Variants in PBX1 observed in about 807,000 individuals in gnomAD.
PBX1 encodes PBX homeobox 1.
Under a neutral mutation model 53.4 loss-of-function variants are expected in PBX1, and 6 were observed. That is an observed-to-expected ratio of 0.11 (90% CI 0.06 to 0.22). The LOEUF is 0.22. Among genes scored for constraint, PBX1 ranks in the 10% least tolerant of loss-of-function variants. The pLI, the probability that PBX1 is intolerant of heterozygous loss-of-function variation, is 1.00. For missense variants in PBX1, 251 were observed against 551.4 expected, an observed-to-expected ratio of 0.46 and a Z score of 5.46; for synonymous variants, 204 against 212.3, an observed-to-expected ratio of 0.96 and a Z score of 0.34.
At chr1:164,597,424 G>T (rs1557881667) in intron 2 of PBX1, among the ~76,000 whole-genome samples, 1 of 152,162 alleles carries the variant, frequency 6.6e-6, no homozygotes, top group Non-Finnish European at 1.5e-5. Context: ...CTATGACGAC[G>T]TGGAACTATC....
intron 2 of PBX1, among the ~76,000 whole-genome samples, chr1:164,724,243 A>G (rs1436078728): frequency 2.6e-5 from 4 of 152,194 alleles, no homozygotes; most frequent in Admixed American, 2.6e-4. Flanking sequence ...AAATCCAAAC[A>G]TTCAGGAACT....
chr1:164,821,907 C>T (rs1670175493), intron 8 of PBX1, among the ~76,000 whole-genome samples: 1 of 152,112 alleles, frequency 6.6e-6, no homozygotes, highest in African/African-American at 2.4e-5. Flanking sequence ...AGAGGAGCTG[C>T]TAAACAGGTG....
chr1:164,667,489 G>A (rs1487658552), intron 2 of PBX1, among the ~76,000 whole-genome samples: 1 of 151,654 alleles, frequency 6.6e-6, no homozygotes, highest in Non-Finnish European at 1.5e-5. Context: ...TTCGACCCTG[G>A]CAGAACTACA....
At chr1:164,612,445 CCTCTCGTAG>C (rs921198322) in intron 2 of PBX1, among the ~76,000 whole-genome samples, 1 of 152,124 alleles carries the variant, frequency 6.6e-6, no homozygotes, top group Non-Finnish European at 1.5e-5. Context: ...CGTTTAGCCA[CCTCTCGTAG>C]CTCTGGTTTC....
chr1:164,741,412 C>A (rs546689874), intron 2 of PBX1, among the ~76,000 whole-genome samples: 1 of 152,306 alleles, frequency 6.6e-6, no homozygotes, highest in South Asian at 2.1e-4. Flanking sequence ...CTCCTCAAAG[C>A]AGCCAGAAAG....
chr1:164,579,066 T>G (rs1468150379), intron 2 of PBX1, among the ~76,000 whole-genome samples: 1 of 151,972 alleles, frequency 6.6e-6, no homozygotes, highest in African/African-American at 2.4e-5. Context: ...TGACATTTGC[T>G]CACCTGGGCA....
chr1:164,624,437 T>G (rs1445574645), intron 2 of PBX1, among the ~76,000 whole-genome samples: 1 of 152,220 alleles, frequency 6.6e-6, no homozygotes, highest in Non-Finnish European at 1.5e-5. Flanking sequence ...AATGTCATTT[T>G]CTCTCAATGA....
At chr1:164,581,244 T>C (rs1368522438) in intron 2 of PBX1, among the ~76,000 whole-genome samples, 4 of 151,692 alleles carry the variant, frequency 2.6e-5, no homozygotes, top group Admixed American at 2.6e-4. Context: ...TTTTTTTTTT[T>C]TGAGATGGAG....
At chr1:164,749,986 G>A (rs1188712049) in intron 2 of PBX1, among the ~76,000 whole-genome samples, 4 of 152,094 alleles carry the variant, frequency 2.6e-5, no homozygotes, top group African/African-American at 9.7e-5. Flanking sequence ...TATAGTCCCA[G>A]CTACTTGGGA....
intron 2 of PBX1, among the ~76,000 whole-genome samples, chr1:164,600,814 C>G (rs1015832481): frequency 4.6e-5 from 7 of 152,174 alleles, no homozygotes; most frequent in Admixed American, 2.6e-4. Context: ...TCTGGTCACA[C>G]CGATCAAGAT....
intron 2 of PBX1, among the ~76,000 whole-genome samples, chr1:164,731,260 C>T (rs1664966129): frequency 1.3e-5 from 2 of 151,536 alleles, no homozygotes; most frequent in African/African-American, 4.9e-5. Flanking sequence ...CTCTGCTTCC[C>T]TACTCCCATC....
chr1:164,626,892 G>A (rs1222271754), intron 2 of PBX1, among the ~76,000 whole-genome samples: 1 of 152,168 alleles, frequency 6.6e-6, no homozygotes, highest in African/African-American at 2.4e-5. Flanking sequence ...AATCTTTACA[G>A]TTGGTGATTT....
chr1:164,832,106 C>T (rs1381693522), intron 8 of PBX1, among the ~76,000 whole-genome samples: 1 of 152,082 alleles, frequency 6.6e-6, no homozygotes, highest in East Asian at 1.9e-4. Context: ...TCCTCTTTTG[C>T]CTTTTGCCGT....
chr1:164,611,791 G>A (rs546169541), intron 2 of PBX1, among the ~76,000 whole-genome samples: 146 of 152,276 alleles, frequency 9.6e-4, no homozygotes, highest in South Asian at 2.3e-3. Context: ...TTGGAGGGAG[G>A]CTGCCTGATT....
intron 2 of PBX1, among the ~76,000 whole-genome samples, chr1:164,640,452 C>A (rs184075400): frequency 5.5e-4 from 83 of 152,138 alleles, no homozygotes; most frequent in Middle Eastern, 6.8e-3. Flanking sequence ...CAGCAGATTG[C>A]TCCTGGTGCA....
intron 2 of PBX1, among the ~76,000 whole-genome samples, chr1:164,725,471 C>T (rs1279719234): frequency 1.3e-5 from 2 of 152,022 alleles, no homozygotes; most frequent in Admixed American, 6.6e-5. Flanking sequence ...TCTCTTTGCT[C>T]CTCTCTTGAT....
intron 1 of PBX1, 29 bp from the exon 2 acceptor site, chr1:164,563,209 T>G: frequency 6.5e-7 from 1 of 1,547,362 alleles, no homozygotes. Flanking sequence ...AGAGTCCACC[T>G]AAGCTATCAT....
At chr1:164,793,044 T>C (rs1297961131) in intron 3 of PBX1, among the ~76,000 whole-genome samples, 1 of 152,144 alleles carries the variant, frequency 6.6e-6, no homozygotes. Context: ...CTCCAGAACG[T>C]GTGTCTGTGA....
chr1:164,797,244 G>C (rs1259368557), intron 3 of PBX1, among the ~76,000 whole-genome samples: 2 of 152,286 alleles, frequency 1.3e-5, no homozygotes, highest in African/African-American at 2.4e-5. Context: ...GAGCACTGTG[G>C]CTTCCCAGCT....
Sources: gnomAD v4.1 joint callset for allele counts (sites outside exome capture counted in the v4.1 genomes callset) on GRCh38, gnomAD v4.1.1 for gene constraint, MANE v1.5 for transcripts, NCBI Gene and HGNC (gene_info 2026-07-23, HGNC 2026-07-21) for gene names.